COL5A1: variants seen among roughly 807,000 people sequenced by gnomAD.
COL5A1 encodes collagen alpha-1(V) chain.
A neutral mutation model predicts 263.7 loss-of-function variants in COL5A1; 16 were observed. The observed-to-expected ratio is 0.06, with a 90% CI of 0.04 to 0.09. COL5A1 has a LOEUF of 0.09. COL5A1 is among the 10% of genes least tolerant of loss of function. The pLI, the probability that COL5A1 is intolerant of heterozygous loss-of-function variation, is 1.00. For synonymous variants in COL5A1, 1,012 were observed against 1,004.5 expected (o/e 1.01, Z -0.14); for missense variants, 2,036 against 2,540.5 (o/e 0.80, Z 4.27).
At chr9:134,748,424 CACTT>C (rs1284257693) in intron 11 of COL5A1, among the ~76,000 whole-genome samples, 3 of 152,216 alleles carry the variant, frequency 2.0e-5, no homozygotes, top group Non-Finnish European at 4.4e-5. Flanking sequence ...CATGCACACA[CACTT>C]ACACACATGC....
At chr9:134,739,279 G>A (rs1835217014) in intron 11 of COL5A1, among the ~76,000 whole-genome samples, 1 of 152,246 alleles carries the variant, frequency 6.6e-6, no homozygotes, top group African/African-American at 2.4e-5. Context: ...TGGAGGGAGA[G>A]CTGCTCCCTG....
chr9:134,803,662 GA>G (rs1564469676), intron 39 of COL5A1, among the ~76,000 whole-genome samples: 2 of 151,778 alleles, frequency 1.3e-5, no homozygotes, highest in Non-Finnish European at 2.9e-5. Flanking sequence ...AAAACACAGT[GA>G]AACCCCGTTT....
chr9:134,695,761 A>T (rs1833438259), intron 2 of COL5A1, among the ~76,000 whole-genome samples: 1 of 152,182 alleles, frequency 6.6e-6, no homozygotes. Context: ...AGCCCAGGGA[A>T]TGTAAACTTC....
At chr9:134,771,393 G>A (rs1378792126) in intron 25 of COL5A1, among the ~76,000 whole-genome samples, 1 of 152,246 alleles carries the variant, frequency 6.6e-6, no homozygotes, top group Non-Finnish European at 1.5e-5. Flanking sequence ...GTTTCCGGAA[G>A]GCGGCGTGGT....
At chr9:134,812,040 C>T (rs1838543214) in intron 46 of COL5A1, among the ~76,000 whole-genome samples, 1 of 152,222 alleles carries the variant, frequency 6.6e-6, no homozygotes, top group Non-Finnish European at 1.5e-5. Flanking sequence ...TCCCCATTTT[C>T]CATCCTCCAT....
At chr9:134,672,642 A>G (rs1263571847) in intron 1 of COL5A1, among the ~76,000 whole-genome samples, 2 of 152,238 alleles carry the variant, frequency 1.3e-5, no homozygotes, top group African/African-American at 2.4e-5. Flanking sequence ...TATCACACCT[A>G]TTAACATTGT....
chr9:134,759,232 A>C lies in COL5A1; in HGVS notation c.1935+936A>C, dbSNP rs1202903918. Among the ~76,000 whole-genome samples the C allele has an allele frequency of 2.4e-4, 31 of 131,240 alleles. 1 individual carries two copies. Among genetic ancestry groups the C allele is most frequent in the Admixed American group, 2.1e-3 (27 of 13,020 alleles). The allele number at this position is 131,240 out of a possible 152,430, so 86.1% of individuals were successfully genotyped here. The stretch of plus-strand genomic sequence containing the variant: ...CCCATGCACACACACACCCACACAT[A>C]CACCACATACACCACACATGTGTGC... On this transcript the variant is annotated intron_variant, in intron 18 of 65. Coordinates refer to ENST00000371817, the MANE Select transcript of COL5A1 (RefSeq NM_000093.5).
At chr9:134,683,852 G>A (rs1832933478) in intron 1 of COL5A1, among the ~76,000 whole-genome samples, 1 of 152,224 alleles carries the variant, frequency 6.6e-6, no homozygotes, top group Admixed American at 6.5e-5. Flanking sequence ...TTGTTCTGAA[G>A]ACCCGTTCCC....
At chr9:134,661,627 A>G (rs988852329) in intron 1 of COL5A1, among the ~76,000 whole-genome samples, 1 of 151,872 alleles carries the variant, frequency 6.6e-6, no homozygotes, top group African/African-American at 2.4e-5. Flanking sequence ...TGCTGCACCC[A>G]TACCCCCCTC....
chr9:134,785,903 C>G, intron 30 of COL5A1, 92 bp from the exon 31 acceptor site: 2 of 1,208,054 alleles, frequency 1.7e-6, no homozygotes, highest in Non-Finnish European at 1.2e-6. Context: ...TCCTCCAGGC[C>G]CCTGCCAGAA....
chr9:134,838,593 C>A (rs1726604546), intron 65 of COL5A1, among the ~76,000 whole-genome samples: 1 of 152,194 alleles, frequency 6.6e-6, no homozygotes, highest in Non-Finnish European at 1.5e-5. Context: ...TCTCTCGCCC[C>A]CTTCCCCATG....
chr9:134,793,123 G>A (rs778962508), intron 32 of COL5A1, among the ~76,000 whole-genome samples: 5 of 151,972 alleles, frequency 3.3e-5, no homozygotes, highest in Non-Finnish European at 7.4e-5. Context: ...GCAAAGTGTC[G>A]CTTTGCCCCT....
At chr9:134,743,611 A>C (rs770270814) in intron 11 of COL5A1, among the ~76,000 whole-genome samples, 19 of 152,128 alleles carry the variant, frequency 1.2e-4, no homozygotes, top group Non-Finnish European at 2.2e-4. Context: ...ACACAGGGGC[A>C]CCTCGCTCCC....
In COL5A1 at chr9:134,766,479, C is replaced by A; in HGVS notation, c.2114C>A (p.Pro705Gln). The A allele has an allele frequency of 6.2e-7, 1 of 1,614,164 alleles. No individual in the cohort carries two copies. Among genetic ancestry groups the A allele is most frequent in the South Asian group, 1.1e-5 (1 of 91,074 alleles). ...GGTGTCACGGGTATGGACGGCCAGC[C>A]GGGGCCAAAAGGAAATGTGGTAAGT... ...PPGVTGMDGQ[P>Q]GPKGNVGPQG... is the part of the protein sequence containing the mutation. The change falls in exon 22 of 66, where the codon CCG becomes CAG. Residue 705 changes from proline (P) to glutamine (Q), a missense_variant. Around this residue, in one of 3 missense-constraint regions of COL5A1, gnomAD observed 1,078 missense variants for 1,521.4 expected, o/e 0.71. Coordinates refer to ENST00000371817, the MANE Select transcript of COL5A1 (RefSeq NM_000093.5).
rs888399014 is a variant in COL5A1, at chr9:134,716,525, C to T, written c.655-10741C>T. ...CCACAAGTGCAGGCCTTTGTGAGGT[C>T]ACCACCCTTTGGGTGGCGAGTCTTT... On this transcript the variant is annotated intron_variant, in intron 4 of 65. Coordinates refer to ENST00000371817, the MANE Select transcript of COL5A1 (RefSeq NM_000093.5). This position sits in a 1 kb window ranked among gnomAD's most constrained non-coding sequence, Gnocchi z 4.5. Among the ~76,000 whole-genome samples the T allele has an allele frequency of 5.3e-5, 8 of 152,200 alleles. No homozygotes were observed. The highest frequency in any genetic ancestry group is 8.8e-5 in the Non-Finnish European group (6 of 68,032).
chr9:134,654,644 GGTGTGTAGGGCTGGT>G (rs1211987270), intron 1 of COL5A1, among the ~76,000 whole-genome samples: 1 of 129,064 alleles, frequency 7.7e-6, no homozygotes, highest in African/African-American at 3.0e-5. Context: ...TAGGGCTGGA[GGTGTGTAGGGCTGGT>G]GTGTGTAGGG....
rs950853633 is a variant in COL5A1 at position 134,755,577 on chromosome 9, C to T, written c.1828-1188C>T. 1.3e-5 allele frequency among the ~76,000 whole-genome samples: 2 copies of T among 152,212 alleles called. No homozygotes were observed. Among genetic ancestry groups the T allele is most frequent in the Admixed American group, 6.5e-5 (1 of 15,284 alleles). ...CTTTGCTAGCATTTCCTGCAAGGAA[C>T]GCTCGCTTGTGAATTGTAGAAGCAT... On this transcript the variant is annotated intron_variant, in intron 16 of 65. Coordinates refer to ENST00000371817, the MANE Select transcript of COL5A1 (RefSeq NM_000093.5). The surrounding 1 kb of genome is among the most constrained non-coding windows in gnomAD (Gnocchi z 4.1).
Position 134,712,310 on chromosome 9 carries a change from TC to T in COL5A1, c.654+10983del, listed in dbSNP as rs200942812. Among the ~76,000 whole-genome samples, 191 of 25,970 alleles carry T rather than the reference TC, an allele frequency of 7.4e-3. 3 individuals carry two copies. The highest frequency in any genetic ancestry group is 0.01 in the Non-Finnish European group (142 of 13,554). The allele number at this position is 25,970 out of a possible 152,430, so 17.0% of individuals were successfully genotyped here. On this transcript the variant is annotated intron_variant, in intron 4 of 65. Coordinates refer to ENST00000371817, the MANE Select transcript of COL5A1 (RefSeq NM_000093.5). ...TTCCCCTCCTTCCCCCTTCTTCCTG[TC>T]CCCCCTCCTTCCTGTCCCCCTCCCT...
At position 134,829,401 on chromosome 9, in the gene COL5A1, C is replaced by CTCA. The variant is rs1414840156; in HGVS notation, c.5068-573_5068-572insATC. Among the ~76,000 whole-genome samples, 207 of 143,618 alleles carry CTCA rather than the reference C, an allele frequency of 1.4e-3. 1 individual carries two copies. The highest frequency in any genetic ancestry group is 5.3e-3 in the African/African-American group (190 of 35,990). The allele number at this position is 143,618 out of a possible 152,430, so 94.2% of individuals were successfully genotyped here. Reference sequence around the variant, plus strand: ...GGTCTCCCCGAGGGCCCAGGTCAGGCTCCTCACGCAGCCTCCGGTCTCCCT... The same window carrying CTCA: ...GGTCTCCCCGAGGGCCCAGGTCAGGCTCATCCTCACGCAGCCTCCGGTCTCCCT... On this transcript the variant is annotated intron_variant, in intron 63 of 65. Transcript: ENST00000371817.
Sources: allele counts gnomAD v4.1 joint callset (sites outside exome capture counted in the v4.1 genomes callset), GRCh38; gene constraint gnomAD v4.1.1; regional missense constraint gnomAD v4.1.1; non-coding constraint Gnocchi (gnomAD v3.1); transcripts MANE v1.5; gene names NCBI Gene and HGNC (gene_info 2026-07-23, HGNC 2026-07-21).